Variants in DYNC1I1 observed in about 807,000 individuals in gnomAD.
DYNC1I1 encodes cytoplasmic dynein 1 intermediate chain 1.
Under a neutral mutation model 86.6 loss-of-function variants are expected in DYNC1I1, and 43 were observed. That is an observed-to-expected ratio of 0.50 (90% CI 0.39 to 0.64). The LOEUF is 0.64. Among genes scored for constraint, DYNC1I1 ranks in the 30% least tolerant of loss-of-function variants. The pLI is 0.00. For synonymous variants in DYNC1I1, 262 were observed against 283.7 expected, an observed-to-expected ratio of 0.92 and a Z score of 0.77; for missense variants, 604 against 788.8, an observed-to-expected ratio of 0.77 and a Z score of 2.81.
intron 14 of DYNC1I1, among the ~76,000 whole-genome samples, chr7:96,075,722 A>C (rs1001895248): frequency 1.3e-5 from 2 of 152,182 alleles, no homozygotes; most frequent in Admixed American, 6.5e-5. Flanking sequence ...TTAGGCTCCG[A>C]GCATCTCGCA....
At chr7:95,909,076 A>C (rs1207849797) in intron 6 of DYNC1I1, among the ~76,000 whole-genome samples, 1 of 151,530 alleles carries the variant, frequency 6.6e-6, no homozygotes, top group African/African-American at 2.4e-5. Flanking sequence ...AAGACTGATG[A>C]AATACCAAAG....
intron 5 of DYNC1I1, among the ~76,000 whole-genome samples, chr7:95,862,256 A>G (rs1219812566): frequency 6.6e-6 from 1 of 152,194 alleles, no homozygotes; most frequent in Non-Finnish European, 1.5e-5. Flanking sequence ...AAAGAAAGTA[A>G]AAAGGCAGCC....
intron 6 of DYNC1I1, among the ~76,000 whole-genome samples, chr7:95,902,716 A>G (rs1791071748): frequency 6.6e-6 from 1 of 152,102 alleles, no homozygotes; most frequent in African/African-American, 2.4e-5. Flanking sequence ...TAAAAACATG[A>G]TATGTTTTAA....
At chr7:95,804,693 G>A (rs747154553) in intron 1 of DYNC1I1, 28 bp from the exon 2 acceptor site, 3 of 1,542,026 alleles carry the variant, frequency 1.9e-6, no homozygotes, top group Non-Finnish European at 2.6e-6. Context: ...TTATATATAT[G>A]TTCACTTTTT....
intron 6 of DYNC1I1, among the ~76,000 whole-genome samples, chr7:95,884,094 G>A (rs777874085): frequency 7.2e-5 from 11 of 152,208 alleles, no homozygotes; most frequent in South Asian, 2.1e-4. Context: ...CAGGGAAGTC[G>A]TCTTGACCCA....
At chr7:95,852,659 A>G (rs990039903) in intron 5 of DYNC1I1, among the ~76,000 whole-genome samples, 1 of 152,068 alleles carries the variant, frequency 6.6e-6, no homozygotes, top group Non-Finnish European at 1.5e-5. Flanking sequence ...GGTGCCCGCC[A>G]CCACACCCAG....
chr7:96,067,738 A>G (rs766814888), intron 14 of DYNC1I1, among the ~76,000 whole-genome samples: 9 of 152,212 alleles, frequency 5.9e-5, no homozygotes, highest in Non-Finnish European at 1.3e-4. Context: ...TCCATTGTCC[A>G]ACAAGTAAGG....
Position 95,977,499 on chromosome 7 carries a change from T to A in DYNC1I1, c.491-13T>A. On this transcript the variant is annotated splice_polypyrimidine_tract_variant and intron_variant, in intron 6 of 16. Transcript: ENST00000447467. Reference sequence around the variant, plus strand: ...GAAAGAAAATATTGTATTTTTCTCTTTCTTTTTTCTAGAGGATGAGGAAGA... The same window carrying A: ...GAAAGAAAATATTGTATTTTTCTCTATCTTTTTTCTAGAGGATGAGGAAGA... 1 of 1,610,156 alleles carries A rather than the reference T, an allele frequency of 6.2e-7. No individual in the cohort carries two copies. The highest frequency in any genetic ancestry group is 1.1e-5 in the South Asian group (1 of 89,806).
intron 10 of DYNC1I1, among the ~76,000 whole-genome samples, chr7:96,004,646 GCACACACA>G (rs34562315): frequency 3.1e-3 from 453 of 146,238 alleles, no homozygotes; most frequent in African/African-American, 0.01. Context: ...ATAAATGCAT[GCACACACA>G]CACACACACA....
At chr7:96,097,223 G>A (rs1044636506) in intron 16 of DYNC1I1, among the ~76,000 whole-genome samples, 1 of 152,170 alleles carries the variant, frequency 6.6e-6, no homozygotes, top group African/African-American at 2.4e-5. Flanking sequence ...TACTGTAATT[G>A]TATAGTTTGC....
At chr7:95,882,120 C>T (rs922914584) in intron 6 of DYNC1I1, among the ~76,000 whole-genome samples, 6 of 152,096 alleles carry the variant, frequency 3.9e-5, no homozygotes, top group Non-Finnish European at 7.4e-5. Flanking sequence ...CCTGGAGCAA[C>T]CATTTTCTTT....
At chr7:95,832,787 A>C (rs1457206101) in intron 5 of DYNC1I1, among the ~76,000 whole-genome samples, 4 of 152,040 alleles carry the variant, frequency 2.6e-5, no homozygotes, top group African/African-American at 4.8e-5. Context: ...GTGTCTGTTC[A>C]TGTCCTTTGC....
chr7:95,779,483 T>TACGATCAA (rs1793930308), intron 1 of DYNC1I1, among the ~76,000 whole-genome samples: 1 of 152,354 alleles, frequency 6.6e-6, no homozygotes, highest in Admixed American at 6.5e-5. Flanking sequence ...TAATTCTTTT[T>TACGATCAA]ACGATCAAAC....
intron 14 of DYNC1I1, among the ~76,000 whole-genome samples, chr7:96,042,356 T>C (rs1223698586): frequency 6.6e-6 from 1 of 152,160 alleles, no homozygotes; most frequent in Non-Finnish European, 1.5e-5. Context: ...AAAGAATACA[T>C]ATTCACTGCT....
chr7:95,879,566 A>G (rs184793986), intron 6 of DYNC1I1, among the ~76,000 whole-genome samples: 63 of 152,342 alleles, frequency 4.1e-4, no homozygotes, highest in African/African-American at 1.4e-3. Context: ...CTCTTGTGGC[A>G]TAAAGCAAGA....
chr7:95,920,241 TC>T (rs538485126), intron 6 of DYNC1I1, among the ~76,000 whole-genome samples: 174 of 152,290 alleles, frequency 1.1e-3, no homozygotes, highest in African/African-American at 3.9e-3. Flanking sequence ...ACTTCTGTAG[TC>T]TTCCTCCCCC....
At chr7:96,008,341 A>T (rs914031507) in intron 10 of DYNC1I1, among the ~76,000 whole-genome samples, 1 of 152,132 alleles carries the variant, frequency 6.6e-6, no homozygotes, top group Admixed American at 6.6e-5. Flanking sequence ...CATTAACTAG[A>T]GTCTGCTTTC....
intron 10 of DYNC1I1, among the ~76,000 whole-genome samples, chr7:96,011,326 G>T (rs924694892): frequency 6.6e-6 from 1 of 152,050 alleles, no homozygotes; most frequent in Non-Finnish European, 1.5e-5. Context: ...TCATGCTCAA[G>T]AACATGGAAT....
chr7:95,910,536 A>T (rs1296156630), intron 6 of DYNC1I1, among the ~76,000 whole-genome samples: 1 of 152,218 alleles, frequency 6.6e-6, no homozygotes, highest in East Asian at 1.9e-4. Context: ...GCTGAAGGGC[A>T]GGACAGGGCC....
Sources: allele counts gnomAD v4.1 joint callset (sites outside exome capture counted in the v4.1 genomes callset), GRCh38; gene constraint gnomAD v4.1.1; transcripts MANE v1.5; gene names NCBI Gene and HGNC (gene_info 2026-07-23, HGNC 2026-07-21).